Variants in CADM2 observed in about 807,000 individuals in gnomAD.
CADM2 encodes immunoglobulin superfamily member 4D.
In CADM2, 12 loss-of-function variants were observed where a neutral mutation model predicts 49.8. That is an observed-to-expected ratio of 0.24 (90% CI 0.15 to 0.39). The LOEUF is 0.39. Ranked by LOEUF, CADM2 falls within the 10% of genes least tolerant of loss-of-function variation. The probability of loss-of-function intolerance (pLI) is 1.00; values close to 1 mark genes in which losing one functional copy is unlikely to be tolerated. For synonymous variants in CADM2, 214 were observed against 175.4 expected (o/e 1.22, Z -1.74); for missense variants, 378 against 492.3 (o/e 0.77, Z 2.20).
At chr3:85,857,822 A>G (rs1446329334) in intron 3 of CADM2, among the ~76,000 whole-genome samples, 2 of 152,224 alleles carry the variant, frequency 1.3e-5, no homozygotes, top group African/African-American at 4.8e-5. Context: ...TTGAATTTTT[A>G]CCACCATCAG....
At chr3:85,234,016 T>C (rs965907942) in intron 1 of CADM2, among the ~76,000 whole-genome samples, 1 of 152,130 alleles carries the variant, frequency 6.6e-6, no homozygotes, top group African/African-American at 2.4e-5. Context: ...AAGTTCTACA[T>C]GGATTATCTC....
chr3:85,365,607 A>G (rs1354658683), intron 1 of CADM2, among the ~76,000 whole-genome samples: 3 of 152,170 alleles, frequency 2.0e-5, no homozygotes, highest in Non-Finnish European at 2.9e-5. Context: ...TAAAATGACA[A>G]GCCTCTGTGT....
At chr3:85,573,988 A>C (rs993832871) in intron 1 of CADM2, among the ~76,000 whole-genome samples, 6 of 152,130 alleles carry the variant, frequency 3.9e-5, no homozygotes, top group Admixed American at 1.3e-4. Flanking sequence ...CACGATACTG[A>C]CTGGTTATTT....
chr3:85,733,376 C>T (rs1236948862), intron 2 of CADM2, among the ~76,000 whole-genome samples: 5 of 152,118 alleles, frequency 3.3e-5, no homozygotes, highest in African/African-American at 1.2e-4. Context: ...CAGCTTCATT[C>T]GATGTGGTTT....
intron 2 of CADM2, among the ~76,000 whole-genome samples, chr3:85,727,059 A>C (rs1322943807): frequency 1.3e-5 from 2 of 152,088 alleles, no homozygotes; most frequent in African/African-American, 2.4e-5. Flanking sequence ...ATGTGTTTTC[A>C]TGATAAAAGA....
At chr3:85,669,243 G>C (rs1161256492) in intron 1 of CADM2, among the ~76,000 whole-genome samples, 1 of 151,980 alleles carries the variant, frequency 6.6e-6, no homozygotes, top group Non-Finnish European at 1.5e-5. Flanking sequence ...TACTTAGATG[G>C]TTCTGCAGCC....
Position 85,514,829 on chromosome 3 carries a change from G to A in CADM2, c.62-211693G>A, listed in dbSNP as rs570672256. Among the ~76,000 whole-genome samples the A allele has an allele frequency of 3.3e-5, 5 of 151,828 alleles. No homozygotes were observed. The East Asian group carries it at 7.8e-4, about 24-fold the overall frequency. ...TCAGCATTTTATCCTTTCCTATTTCGGTAAGCAATGATTTTACTTTTCCAC... is the reference window on the plus strand; with the variant it reads ...TCAGCATTTTATCCTTTCCTATTTCAGTAAGCAATGATTTTACTTTTCCAC... On this transcript the variant is annotated intron_variant, in intron 1 of 9. Coordinates refer to ENST00000383699, the MANE Select transcript of CADM2 (RefSeq NM_001167675.2).
rs529494381 is a variant in CADM2, at chr3:86,065,169, A to AT, written c.971-435dup. On this transcript the variant is annotated intron_variant, in intron 8 of 9. Transcript: ENST00000383699. The stretch of plus-strand genomic sequence containing the variant: ...GAATTAGTCAATTTCCATAGCTGTA[A>AT]TAACATTTATATAATGATAAGTCTC... Among the ~76,000 whole-genome samples the AT allele has an allele frequency of 3.8e-4, 58 of 152,304 alleles. No homozygotes were observed. In the South Asian group the frequency reaches 0.012, roughly 31 times the overall value.
At chr3:85,195,542 G>GACACAC (rs71108270) in intron 1 of CADM2, among the ~76,000 whole-genome samples, 1,786 of 146,954 alleles carry the variant, frequency 0.012, 14 homozygotes, top group African/African-American at 0.014. Flanking sequence ...AAACCAGCAA[G>GACACAC]ACACACACAC....
chr3:85,433,461 A>G (rs1326760129), intron 1 of CADM2, among the ~76,000 whole-genome samples: 1 of 151,970 alleles, frequency 6.6e-6, no homozygotes, highest in Non-Finnish European at 1.5e-5. Flanking sequence ...ATCATTATGG[A>G]TTGCCTCATT....
At chr3:85,105,990 T>C (rs898837602) in intron 1 of CADM2, among the ~76,000 whole-genome samples, 10 of 152,046 alleles carry the variant, frequency 6.6e-5, no homozygotes, top group African/African-American at 2.2e-4. Context: ...ATATACCTAA[T>C]GCTAAATGAC....
At chr3:86,028,408 G>T (rs917077401) in intron 8 of CADM2, among the ~76,000 whole-genome samples, 1 of 151,960 alleles carries the variant, frequency 6.6e-6, no homozygotes, top group Non-Finnish European at 1.5e-5. Flanking sequence ...AATAACAATG[G>T]CTAACAGTTG....
At chr3:85,832,945 C>T (rs918580660) in intron 3 of CADM2, among the ~76,000 whole-genome samples, 3 of 151,834 alleles carry the variant, frequency 2.0e-5, no homozygotes, top group Non-Finnish European at 4.4e-5. Context: ...GTGAATTTGT[C>T]GTAGATGGCT....
chr3:85,259,701 A>G (rs184428954), intron 1 of CADM2, among the ~76,000 whole-genome samples: 18 of 152,280 alleles, frequency 1.2e-4, no homozygotes, highest in Admixed American at 3.9e-4. Context: ...CACTCAAACC[A>G]AAGGAGCACT....
chr3:85,503,046 C>T (rs1019759115), intron 1 of CADM2, among the ~76,000 whole-genome samples: 14 of 151,652 alleles, frequency 9.2e-5, no homozygotes, highest in Non-Finnish European at 2.1e-4. Flanking sequence ...TAGGTTCCCA[C>T]CCTAAGTTTT....
chr3:85,567,879 G>A (rs72909282), intron 1 of CADM2, among the ~76,000 whole-genome samples: 2 of 152,314 alleles, frequency 1.3e-5, no homozygotes, highest in African/African-American at 2.4e-5. Flanking sequence ...GCTGGTAGAA[G>A]TGCTGGAGTC....
chr3:85,744,792 A>C (rs954229437), intron 2 of CADM2, among the ~76,000 whole-genome samples: 3 of 152,060 alleles, frequency 2.0e-5, no homozygotes, highest in African/African-American at 7.2e-5. Flanking sequence ...AGAGTGGATG[A>C]AATTGGTGGG....
intron 8 of CADM2, among the ~76,000 whole-genome samples, chr3:86,037,584 A>G (rs1735321951): frequency 6.6e-6 from 1 of 152,148 alleles, no homozygotes. Flanking sequence ...TCTGCAAAAA[A>G]CACACCTATA....
chr3:86,052,903 T>C (rs1428650088), intron 8 of CADM2, among the ~76,000 whole-genome samples: 1 of 152,158 alleles, frequency 6.6e-6, no homozygotes, highest in Admixed American at 6.6e-5. Context: ...CTCACAAACA[T>C]GCACACAACT....
Sources: gnomAD v4.1 joint callset for allele counts (sites outside exome capture counted in the v4.1 genomes callset) on GRCh38, gnomAD v4.1.1 for gene constraint, MANE v1.5 for transcripts, NCBI Gene and HGNC (gene_info 2026-07-23, HGNC 2026-07-21) for gene names.